DAB1: variants seen among roughly 807,000 people sequenced by gnomAD.
DAB1 encodes the protein DAB adaptor protein 1, also known as disabled homolog 1.
Under a neutral mutation model 64.6 loss-of-function variants are expected in DAB1, and 15 were observed. The ratio of observed to expected loss-of-function variants is 0.23; its 90% CI spans 0.16 to 0.36. The LOEUF is 0.36. Among genes scored for constraint, DAB1 ranks in the 10% least tolerant of loss-of-function variants. DAB1 has a pLI of 1.00. For synonymous variants in DAB1, 235 were observed against 251.9 expected (o/e 0.93, Z 0.64); for missense variants, 596 against 706.7 (o/e 0.84, Z 1.78).
chr1:57,455,800 T>G (rs181711972), intron 7 of DAB1, among the ~76,000 whole-genome samples: 29 of 152,152 alleles, frequency 1.9e-4, no homozygotes, highest in Non-Finnish European at 3.1e-4. Flanking sequence ...CTCCTAATCT[T>G]CAGCTGGGAC....
At chr1:57,718,184 A>G (rs527867903) in intron 6 of DAB1, among the ~76,000 whole-genome samples, 1 of 152,206 alleles carries the variant, frequency 6.6e-6, no homozygotes, top group Admixed American at 6.5e-5. Flanking sequence ...GAAATGATAA[A>G]TATTTAAGGT....
At chr1:57,812,140 C>T (rs1557494216) in intron 6 of DAB1, among the ~76,000 whole-genome samples, 1 of 151,792 alleles carries the variant, frequency 6.6e-6, no homozygotes, top group Non-Finnish European at 1.5e-5. Flanking sequence ...GGGACACATT[C>T]CATGAAGTAG....
At chr1:57,517,171 A>AT (rs955837488) in intron 7 of DAB1, among the ~76,000 whole-genome samples, 5 of 150,864 alleles carry the variant, frequency 3.3e-5, no homozygotes, top group Admixed American at 1.3e-4. Flanking sequence ...TTATTTATTT[A>AT]TTTTTTTTGA....
chr1:58,314,811 A>G (rs1169688804), intron 4 of DAB1, among the ~76,000 whole-genome samples: 1 of 152,208 alleles, frequency 6.6e-6, no homozygotes, highest in Admixed American at 6.5e-5. Context: ...AGTGTCTATC[A>G]TAACAGGAGC....
At chr1:57,487,153 G>A (rs971992600) in intron 7 of DAB1, among the ~76,000 whole-genome samples, 2 of 152,094 alleles carry the variant, frequency 1.3e-5, no homozygotes, top group Non-Finnish European at 2.9e-5. Flanking sequence ...GGGATGATGC[G>A]ATGGAACCAG....
chr1:58,435,147 G>A (rs1417599746), intron 3 of DAB1, among the ~76,000 whole-genome samples: 1 of 152,170 alleles, frequency 6.6e-6, no homozygotes, highest in Non-Finnish European at 1.5e-5. Context: ...TGGTGGGCAG[G>A]AGGAGAGCAG....
At chr1:57,557,923 TA>T (rs1160951033) in intron 7 of DAB1, among the ~76,000 whole-genome samples, 1 of 152,192 alleles carries the variant, frequency 6.6e-6, no homozygotes, top group Non-Finnish European at 1.5e-5. Flanking sequence ...TCAAATCTTC[TA>T]AAATTGCTCT....
chr1:57,978,159 C>T (rs1402596679), intron 5 of DAB1, among the ~76,000 whole-genome samples: 1 of 152,122 alleles, frequency 6.6e-6, no homozygotes, highest in African/African-American at 2.4e-5. Context: ...TACCTGACTT[C>T]AAACTACACT....
chr1:57,428,844 A>AG (rs1335665076), upstream of DAB1, among the ~76,000 whole-genome samples: 1 of 91,654 alleles, frequency 1.1e-5, no homozygotes. Flanking sequence ...TCTTTTACAA[A>AG]AAAAAAAAAA....
chr1:57,672,759 C>CT (rs1213852111), intron 6 of DAB1, among the ~76,000 whole-genome samples: 6 of 152,096 alleles, frequency 3.9e-5, no homozygotes, highest in African/African-American at 1.4e-4. Flanking sequence ...TAAGCTTACC[C>CT]TTAATATAGC....
intron 2 of DAB1, among the ~76,000 whole-genome samples, chr1:57,211,155 G>A (rs949184421): frequency 8.5e-5 from 13 of 152,192 alleles, no homozygotes; most frequent in Non-Finnish European, 1.6e-4. Context: ...GACTGACAGC[G>A]AAGCAAAATG....
chr1:57,201,468 C>G (rs1282396277), intron 2 of DAB1, among the ~76,000 whole-genome samples: 1 of 151,966 alleles, frequency 6.6e-6, no homozygotes, highest in Admixed American at 6.6e-5. Context: ...CCACCCTTAA[C>G]CAATTTATTC....
intron 3 of DAB1, among the ~76,000 whole-genome samples, chr1:58,375,259 A>G (rs1344979751): frequency 2.0e-5 from 3 of 146,730 alleles, no homozygotes; most frequent in Admixed American, 6.9e-5. Flanking sequence ...GTCTTGTGCC[A>G]GTTTTTAAAG....
chr1:57,886,831 C>T (rs578082681), upstream of DAB1, among the ~76,000 whole-genome samples: 9 of 152,250 alleles, frequency 5.9e-5, no homozygotes, highest in South Asian at 6.2e-4. Context: ...TCTCCAGGCA[C>T]GTATTTTAAT....
At chr1:58,127,625 C>G (rs571470629) in intron 5 of DAB1, among the ~76,000 whole-genome samples, 1 of 152,106 alleles carries the variant, frequency 6.6e-6, no homozygotes, top group Non-Finnish European at 1.5e-5. Flanking sequence ...CCATCTTGAA[C>G]TGATTTTTGT....
chr1:58,265,166 C>T (rs1661131653), intron 4 of DAB1, among the ~76,000 whole-genome samples: 7 of 152,142 alleles, frequency 4.6e-5, no homozygotes, highest in Admixed American at 4.6e-4. Context: ...CAAAAGAATC[C>T]TTTAGGAAGA....
chr1:58,014,701 G>A (rs1270401207), intron 5 of DAB1, among the ~76,000 whole-genome samples: 2 of 152,176 alleles, frequency 1.3e-5, no homozygotes, highest in South Asian at 2.1e-4. Context: ...GTGGCTCCAG[G>A]GGAAAGCACG....
At chr1:58,476,118 A>G (rs1393113453) in intron 3 of DAB1, among the ~76,000 whole-genome samples, 1 of 152,222 alleles carries the variant, frequency 6.6e-6, no homozygotes, top group Non-Finnish European at 1.5e-5. Flanking sequence ...CTTGTGGTCT[A>G]TGAAGATGGT....
chr1:58,430,869 G>C (rs531972951), intron 3 of DAB1, among the ~76,000 whole-genome samples: 1 of 152,192 alleles, frequency 6.6e-6, no homozygotes, highest in African/African-American at 2.4e-5. Context: ...CAGTGTGAGC[G>C]AGAGCAAGCC....
Sources: gnomAD v4.1 joint callset for allele counts (sites outside exome capture counted in the v4.1 genomes callset) on GRCh38, gnomAD v4.1.1 for gene constraint, MANE v1.5 for transcripts, NCBI Gene and HGNC (gene_info 2026-07-23, HGNC 2026-07-21) for gene names.